The following MYRFL variants were observed in gnomAD, a reference collection of about 807,000 sequenced individuals.
MYRFL encodes the protein myelin regulatory factor-like protein.
A neutral mutation model predicts 109.4 loss-of-function variants in MYRFL; 88 were observed. That is an observed-to-expected ratio of 0.80 (90% CI 0.68 to 0.96). MYRFL has a LOEUF of 0.96. Ranked by LOEUF, MYRFL falls within the 40% of genes least tolerant of loss-of-function variation. The pLI is 0.00. For synonymous variants in MYRFL, 324 were observed against 320.9 expected (o/e 1.01, Z -0.10); for missense variants, 957 against 954.9 (o/e 1.00, Z -0.03).
At position 69,893,805 on chromosome 12, in the gene MYRFL, A is replaced by G. The variant is rs1344596132; in HGVS notation, c.945A>G (p.Gln315=). The part of the protein sequence containing the change: ...TNQIIAIEQS[Q]ADRSKKIFNP... ...AAATAATTGCTATTGAACAGTCCCAAGCAGATAGGAGCAAAAAGATTTTCA... is the reference window on the plus strand; with the variant it reads ...AAATAATTGCTATTGAACAGTCCCAGGCAGATAGGAGCAAAAAGATTTTCA... The change falls in exon 8 of 25, where the codon CAA becomes CAG. Residue 315 remains glutamine, a synonymous_variant. Transcript: ENST00000552032. The G allele has an allele frequency of 1.4e-6, 2 of 1,401,490 alleles. No individual in the cohort carries two copies. Among genetic ancestry groups the G allele is most frequent in the South Asian group, 1.8e-5 (1 of 56,274 alleles). 86.8% of individuals were successfully genotyped at this position (1,401,490 alleles called of 1,614,324 possible).
intron 1 of MYRFL, among the ~76,000 whole-genome samples, chr12:69,835,550 A>G (rs1292954102): frequency 4.6e-5 from 7 of 152,210 alleles, no homozygotes; most frequent in African/African-American, 1.7e-4. Context: ...CAGATTAGAC[A>G]TCTTTGGAAT....
At chr12:69,902,437 G>A (rs1161799483) in intron 10 of MYRFL, among the ~76,000 whole-genome samples, 1 of 152,084 alleles carries the variant, frequency 6.6e-6, no homozygotes, top group Non-Finnish European at 1.5e-5. Context: ...TCCTACCACT[G>A]TTTCTCCATC....
At chr12:69,884,660 T>C (rs1378130128) in intron 5 of MYRFL, among the ~76,000 whole-genome samples, 1 of 152,324 alleles carries the variant, frequency 6.6e-6, no homozygotes, top group East Asian at 1.9e-4. Context: ...TCGATAGAGC[T>C]ACCATGGAGG....
intron 1 of MYRFL, among the ~76,000 whole-genome samples, chr12:69,835,758 CA>C (rs886070805): frequency 3.3e-5 from 5 of 152,180 alleles, no homozygotes; most frequent in East Asian, 1.9e-4. Context: ...GGGTGTGTGA[CA>C]GGGGCAGTGG....
chr12:69,891,478 A>G (rs550825679), intron 7 of MYRFL, among the ~76,000 whole-genome samples: 41 of 152,304 alleles, frequency 2.7e-4, no homozygotes, highest in African/African-American at 8.4e-4. Flanking sequence ...GAACTGCTCT[A>G]TGGGATAGCT....
At chr12:69,882,476 G>A (rs759487278) in intron 5 of MYRFL, among the ~76,000 whole-genome samples, 1 of 152,194 alleles carries the variant, frequency 6.6e-6, no homozygotes, top group African/African-American at 2.4e-5. Context: ...CACATTGCTA[G>A]AGGAAGGAGG....
intron 19 of MYRFL, among the ~76,000 whole-genome samples, chr12:69,951,163 G>A (rs933704945): frequency 2.6e-5 from 4 of 152,212 alleles, no homozygotes; most frequent in Admixed American, 2.0e-4. Context: ...GGATCTGTGA[G>A]CTGCAGACCT....
intron 16 of MYRFL, among the ~76,000 whole-genome samples, chr12:69,932,803 T>G (rs1027446728): frequency 6.6e-6 from 1 of 152,086 alleles, no homozygotes; most frequent in Non-Finnish European, 1.5e-5. Flanking sequence ...CTTTCTGCCT[T>G]AAATGTGACA....
At chr12:69,858,994 T>C (rs753413661) in intron 2 of MYRFL, among the ~76,000 whole-genome samples, 45 of 152,118 alleles carry the variant, frequency 3.0e-4, no homozygotes, top group Non-Finnish European at 4.9e-4. Flanking sequence ...CATTTCCCTC[T>C]GTATGTGGCT....
chr12:69,838,714 C>T (rs1272632197), intron 1 of MYRFL, among the ~76,000 whole-genome samples: 2 of 152,174 alleles, frequency 1.3e-5, no homozygotes, highest in African/African-American at 4.8e-5. Flanking sequence ...GAAGGCTTAG[C>T]TGTAAAGTTT....
At position 69,886,881 on chromosome 12, in the gene MYRFL, G is replaced by T. The variant is rs960390094; in HGVS notation, c.618G>T (p.Met206Ile). 2 of 1,535,816 alleles carry T rather than the reference G, an allele frequency of 1.3e-6. No homozygotes were observed. The highest frequency in any genetic ancestry group is 2.7e-5 in the African/African-American group (2 of 73,020). Residue 206 changes from methionine (M) to isoleucine (I), a missense_variant, in exon 6 of 25, where the codon ATG becomes ATT. Physicochemically the swap from Met to Ile is conservative, Grantham distance 10 (BLOSUM62 1). Coordinates refer to ENST00000552032, the MANE Select transcript of MYRFL (RefSeq NM_182530.3). ...QDPDSEGQNR[M>I]PTDQCSPALK... ...CTGACAGTGAGGGACAGAACAGAAT[G>T]CCTACAGACCAGTGCTCTCCTGCTC...
At chr12:69,912,778 C>T (rs544137726) in intron 13 of MYRFL, among the ~76,000 whole-genome samples, 1 of 152,254 alleles carries the variant, frequency 6.6e-6, no homozygotes, top group African/African-American at 2.4e-5. Context: ...ATTCAAATGT[C>T]TCTTCAATAT....
At chr12:69,889,478 G>C (rs1361339901) in intron 6 of MYRFL, among the ~76,000 whole-genome samples, 1 of 152,062 alleles carries the variant, frequency 6.6e-6, no homozygotes, top group Non-Finnish European at 1.5e-5. Flanking sequence ...TTGGAAGATT[G>C]TATTATACTT....
intron 14 of MYRFL, among the ~76,000 whole-genome samples, 199 bp downstream of exon 14, chr12:69,926,933 G>GTTTT (rs1491453128): frequency 3.2e-5 from 1 of 31,396 alleles, no homozygotes; most frequent in Non-Finnish European, 5.0e-5. Flanking sequence ...TCTGTTGCTG[G>GTTTT]TTTTTTTTTT....
At chr12:69,849,222 T>C (rs1883742074) in intron 1 of MYRFL, among the ~76,000 whole-genome samples, 1 of 152,238 alleles carries the variant, frequency 6.6e-6, no homozygotes, top group Non-Finnish European at 1.5e-5. Flanking sequence ...ATAATATATA[T>C]GTGCATATGA....
At chr12:69,895,829 T>C (rs1274132354) in intron 9 of MYRFL, among the ~76,000 whole-genome samples, 1 of 152,178 alleles carries the variant, frequency 6.6e-6, no homozygotes, top group Non-Finnish European at 1.5e-5. Context: ...TGATCTCTAG[T>C]CTTGAAGTTC....
intron 19 of MYRFL, among the ~76,000 whole-genome samples, chr12:69,950,560 T>A (rs1955948728): frequency 6.6e-6 from 1 of 152,214 alleles, no homozygotes; most frequent in South Asian, 2.1e-4. Context: ...CAACTTCATA[T>A]GAGCCAGGCT....
At chr12:69,921,402 G>A (rs1315366985) in intron 13 of MYRFL, among the ~76,000 whole-genome samples, 1 of 152,100 alleles carries the variant, frequency 6.6e-6, no homozygotes, top group Non-Finnish European at 1.5e-5. Flanking sequence ...ATTTCCTCAG[G>A]CATCTGTGAT....
At chr12:69,842,590 G>A (rs1443287449) in intron 1 of MYRFL, among the ~76,000 whole-genome samples, 1 of 152,228 alleles carries the variant, frequency 6.6e-6, no homozygotes, top group African/African-American at 2.4e-5. Context: ...TGGCAGTGGG[G>A]TCCGGGAATG....
Sources: allele counts gnomAD v4.1 joint callset (sites outside exome capture counted in the v4.1 genomes callset), GRCh38; gene constraint gnomAD v4.1.1; transcripts MANE v1.5; gene names NCBI Gene and HGNC (gene_info 2026-07-23, HGNC 2026-07-21).